The following TMEM266 variants were observed in gnomAD, a reference collection of about 807,000 sequenced individuals.
TMEM266 encodes the protein Hv1 related protein 1.
TMEM266 carries 33 observed loss-of-function variants against 50.5 expected under a neutral mutation model. The observed-to-expected ratio is 0.65, with a 90% CI of 0.50 to 0.87. TMEM266 has a LOEUF of 0.87. TMEM266 is among the 40% of genes least tolerant of loss of function. The pLI, the probability that TMEM266 is intolerant of heterozygous loss-of-function variation, is 0.00. For missense variants in TMEM266, 655 were observed against 695.1 expected (o/e 0.94, Z 0.65); for synonymous variants, 310 against 292.3 (o/e 1.06, Z -0.62).
chr15:76,162,322 G>A (rs1166940893), intron 5 of TMEM266, among the ~76,000 whole-genome samples: 2 of 152,204 alleles, frequency 1.3e-5, no homozygotes, highest in South Asian at 2.1e-4. Flanking sequence ...CAGAACCTGC[G>A]GGAATACACA....
chr15:76,189,251 GGGAAGTAA>G (rs1177165631), intron 8 of TMEM266, among the ~76,000 whole-genome samples: 24 of 150,494 alleles, frequency 1.6e-4, no homozygotes, highest in Non-Finnish European at 2.7e-4. Context: ...AAGGGAAGGA[GGGAAGTAA>G]GGAAGGGAGG....
Position 76,080,540 on chromosome 15 carries a change from T to C in TMEM266, c.-97+20524T>C, listed in dbSNP as rs374034356. 1.1e-4 allele frequency among the ~76,000 whole-genome samples: 17 copies of C among 151,428 alleles called. No individual in the cohort carries two copies. In the East Asian group the frequency reaches 2.4e-3, roughly 22 times the overall value. On this transcript the variant is annotated intron_variant, in intron 1 of 10. Transcript: ENST00000388942. ...CTGGGATTACAGGCGTGAGCCACCG[T>C]GCCCTGCCAAAGGCACCATTTCAAA...
intron 1 of TMEM266, among the ~76,000 whole-genome samples, chr15:76,132,938 C>T (rs527759199): frequency 6.6e-6 from 1 of 150,626 alleles, no homozygotes; most frequent in South Asian, 2.1e-4. Context: ...AGTTTGAGAC[C>T]AGCCTGGGCA....
intron 1 of TMEM266, among the ~76,000 whole-genome samples, chr15:76,078,459 C>G (rs2036637477): frequency 1.3e-5 from 2 of 151,136 alleles, no homozygotes; most frequent in Admixed American, 1.3e-4. Flanking sequence ...TTGACTCAAC[C>G]TTGAGTCTGA....
chr15:76,200,785 G>A (rs964806660), intron 9 of TMEM266, among the ~76,000 whole-genome samples: 44 of 152,194 alleles, frequency 2.9e-4, no homozygotes, highest in Admixed American at 2.2e-3. Context: ...CAAGAAGAGT[G>A]TAGCTGGCTG....
chr15:76,170,998 T>C lies in TMEM266; in HGVS notation c.519T>C (p.Phe173=). The C allele has an allele frequency of 2.5e-6, 4 of 1,612,086 alleles. No homozygotes were observed. The highest frequency in any genetic ancestry group is 3.4e-6 in the Non-Finnish European group (4 of 1,179,310). ...AAATGGGCCTCCTCTCACAGGTGTTTGACGGGGCTGTGATCATCCTATCTT... is the reference window on the plus strand; with the variant it reads ...AAATGGGCCTCCTCTCACAGGTGTTCGACGGGGCTGTGATCATCCTATCTT... The change falls in exon 7 of 11, where the codon TTT becomes TTC. Residue 173 remains phenylalanine, a synonymous_variant. Coordinates refer to ENST00000388942, the MANE Select transcript of TMEM266 (RefSeq NM_152335.3).
At chr15:76,118,108 CT>C (rs1319601268) in intron 1 of TMEM266, among the ~76,000 whole-genome samples, 1 of 152,262 alleles carries the variant, frequency 6.6e-6, no homozygotes, top group Non-Finnish European at 1.5e-5. Flanking sequence ...TACTGCACCC[CT>C]GGGAAGATCC....
At chr15:76,125,651 G>A (rs555806922) in intron 1 of TMEM266, among the ~76,000 whole-genome samples, 89 of 151,858 alleles carry the variant, frequency 5.9e-4, no homozygotes, top group Admixed American at 1.8e-3. Context: ...AGTTCAAGAC[G>A]AGCCTGGCCA....
intron 1 of TMEM266, among the ~76,000 whole-genome samples, chr15:76,127,894 T>C (rs1427653689): frequency 1.3e-5 from 2 of 152,190 alleles, no homozygotes; most frequent in African/African-American, 4.8e-5. Flanking sequence ...GTTAGAAATG[T>C]ACATTTTCGA....
chr15:76,170,858 C>G (rs969965526), intron 6 of TMEM266, 135 bp from the exon 7 acceptor site: 15 of 1,063,606 alleles, frequency 1.4e-5, no homozygotes, highest in Non-Finnish European at 1.7e-5. Context: ...GAGGGGCCAC[C>G]CGGGGTGGGG....
chr15:76,186,643 C>T (rs1312026801), intron 8 of TMEM266, among the ~76,000 whole-genome samples: 1 of 152,232 alleles, frequency 6.6e-6, no homozygotes, highest in African/African-American at 2.4e-5. Flanking sequence ...TCTCTCTCTC[C>T]ACCTTCGTCC....
intron 1 of TMEM266, among the ~76,000 whole-genome samples, chr15:76,119,053 G>A (rs1174427312): frequency 6.6e-6 from 1 of 152,186 alleles, no homozygotes; most frequent in African/African-American, 2.4e-5. Flanking sequence ...TGACTTCCCT[G>A]GGAATGAGGA....
intron 3 of TMEM266, among the ~76,000 whole-genome samples, chr15:76,148,181 G>T (rs2037785783): frequency 6.6e-6 from 1 of 152,188 alleles, no homozygotes; most frequent in Non-Finnish European, 1.5e-5. Context: ...TAAATGCGTG[G>T]CCACGTCCGG....
At chr15:76,112,378 A>G (rs76756292) in intron 1 of TMEM266, among the ~76,000 whole-genome samples, 1,916 of 152,326 alleles carry the variant, frequency 0.013, 48 homozygotes, top group African/African-American at 0.042. Flanking sequence ...GAAACTGTAG[A>G]GTCTGGGGAA....
At chr15:76,169,998 G>C (rs1263307129) in intron 6 of TMEM266, 126 bp downstream of exon 6, 3 of 969,692 alleles carry the variant, frequency 3.1e-6, no homozygotes, top group South Asian at 1.5e-5. Context: ...CTTGACCTCT[G>C]TGGCTGTGCA....
At chr15:76,075,425 A>G (rs2036590670) in intron 1 of TMEM266, among the ~76,000 whole-genome samples, 1 of 152,144 alleles carries the variant, frequency 6.6e-6, no homozygotes, top group Non-Finnish European at 1.5e-5. Flanking sequence ...AGGAGCTGTA[A>G]GTGATTGGTT....
intron 8 of TMEM266, among the ~76,000 whole-genome samples, chr15:76,179,682 C>T (rs537558133): frequency 6.6e-6 from 1 of 152,346 alleles, no homozygotes; most frequent in South Asian, 2.1e-4. Context: ...CAAACTCTTG[C>T]TGTCTCCTTG....
intron 1 of TMEM266, among the ~76,000 whole-genome samples, chr15:76,101,662 G>A (rs554309969): frequency 5.6e-4 from 86 of 152,366 alleles, no homozygotes; most frequent in African/African-American, 2.0e-3. Flanking sequence ...ACAAATGTCA[G>A]TATCTAGAAA....
At chr15:76,171,168 C>G (rs1472697668) in intron 7 of TMEM266, 37 bp downstream of exon 7, 2 of 1,604,420 alleles carry the variant, frequency 1.2e-6, no homozygotes, top group African/African-American at 2.7e-5. Context: ...AGTGGGGCTG[C>G]TCCAGAAAGT....
Sources: allele counts gnomAD v4.1 joint callset (sites outside exome capture counted in the v4.1 genomes callset), GRCh38; gene constraint gnomAD v4.1.1; transcripts MANE v1.5; gene names NCBI Gene and HGNC (gene_info 2026-07-23, HGNC 2026-07-21).